The following MAN2A1 variants were observed in gnomAD, a reference collection of about 807,000 sequenced individuals.
MAN2A1 encodes the protein mannosidase alpha class 2A member 1.
MAN2A1 carries 76 observed loss-of-function variants against 142.6 expected under a neutral mutation model. The ratio of observed to expected loss-of-function variants is 0.53; its 90% CI spans 0.44 to 0.65. MAN2A1 has a LOEUF of 0.65. Ranked by LOEUF, MAN2A1 falls within the 30% of genes least tolerant of loss-of-function variation. MAN2A1 has a pLI of 0.00. For missense variants in MAN2A1, 1,311 were observed against 1,365.1 expected (o/e 0.96, Z 0.62); for synonymous variants, 559 against 473.2 (o/e 1.18, Z -2.35).
intron 1 of MAN2A1, among the ~76,000 whole-genome samples, chr5:109,702,674 C>A (rs1351386900): frequency 6.6e-6 from 1 of 152,070 alleles, no homozygotes; most frequent in Non-Finnish European, 1.5e-5. Context: ...GAAGATCCAA[C>A]CAATAATTGT....
At chr5:109,819,597 A>G in intron 13 of MAN2A1, 72 bp from the exon 14 acceptor site, 1 of 927,856 alleles carries the variant, frequency 1.1e-6, no homozygotes, top group Non-Finnish European at 1.5e-6. Context: ...TGGTTTTACC[A>G]AAAATATAAA....
intron 2 of MAN2A1, among the ~76,000 whole-genome samples, chr5:109,714,989 C>CA (rs60333109): frequency 0.47 from 55,225 of 118,028 alleles, 11,552 homozygotes; most frequent in African/African-American, 0.62. Flanking sequence ...AAGGGAACAG[C>CA]AAAAAAAAAA....
rs189187491 is a variant in MAN2A1 at position 109,802,014 on chromosome 5, T to C, written c.1943+12487T>C. ...TAAAATATAGTTCCTTATTCTTTGA[T>C]TCATACATTCATTCATTCAGTGACA... is the stretch of plus-strand genomic sequence containing the variant. On this transcript the variant is annotated intron_variant, in intron 12 of 21. Coordinates refer to ENST00000261483, the MANE Select transcript of MAN2A1 (RefSeq NM_002372.4). 2.0e-5 allele frequency among the ~76,000 whole-genome samples: 3 copies of C among 152,318 alleles called. No homozygotes were observed. The East Asian group carries it at 5.8e-4, about 29-fold the overall frequency.
intron 3 of MAN2A1, among the ~76,000 whole-genome samples, chr5:109,720,628 A>G (rs972736036): frequency 1.3e-5 from 2 of 152,170 alleles, no homozygotes; most frequent in Non-Finnish European, 2.9e-5. Context: ...TGGAAGAAAA[A>G]TTGTCTTGGG....
chr5:109,751,407 A>G (rs1031410935), intron 4 of MAN2A1, among the ~76,000 whole-genome samples: 21 of 152,158 alleles, frequency 1.4e-4, no homozygotes, highest in Admixed American at 8.5e-4. Context: ...ATCTAAATCA[A>G]CACTTAGGTT....
intron 16 of MAN2A1, among the ~76,000 whole-genome samples, chr5:109,837,775 C>T (rs1755095618): frequency 6.6e-6 from 1 of 152,106 alleles, no homozygotes; most frequent in Admixed American, 6.5e-5. Flanking sequence ...GGTCTCTAGC[C>T]TTAGGGAACT....
intron 1 of MAN2A1, among the ~76,000 whole-genome samples, chr5:109,693,270 T>A (rs540307658): frequency 6.6e-4 from 100 of 152,134 alleles, no homozygotes; most frequent in South Asian, 1.5e-3. Flanking sequence ...AGAACTTGAG[T>A]TGATTCTTTT....
At chr5:109,803,105 A>G (rs1262877623) in intron 12 of MAN2A1, among the ~76,000 whole-genome samples, 1 of 152,060 alleles carries the variant, frequency 6.6e-6, no homozygotes, top group African/African-American at 2.4e-5. Flanking sequence ...TCTTTTCTTC[A>G]ATTTCACATG....
In MAN2A1 at chr5:109,847,790, G is replaced by T; in HGVS notation, c.2976G>T (p.Thr992=). Residue 992 remains threonine (T), a splice_region_variant and synonymous_variant, in exon 19 of 22, where the codon ACG becomes ACT. Transcript: ENST00000261483. The part of the protein sequence containing the change: ...ILLEKRSAVN[T]EEEKKSVSYP... Reference sequence around the variant, plus strand: ...TAGAAAAAAGAAGTGCTGTTAATACGGTATGAAAAAATAACTAGCATGATC... The same window carrying T: ...TAGAAAAAAGAAGTGCTGTTAATACTGTATGAAAAAATAACTAGCATGATC... The T allele has an allele frequency of 6.5e-7, 1 of 1,529,582 alleles. No homozygotes were observed. Among genetic ancestry groups the T allele is most frequent in the South Asian group, 1.3e-5 (1 of 76,208 alleles). The allele number at this position is 1,529,582 out of a possible 1,614,324, so 94.8% of individuals were successfully genotyped here. A position where few individuals can be genotyped will look rare whatever the true frequency, so the allele number is the denominator to read the frequency against.
At chr5:109,815,089 T>A (rs565095745) in intron 12 of MAN2A1, among the ~76,000 whole-genome samples, 1 of 152,282 alleles carries the variant, frequency 6.6e-6, no homozygotes, top group African/African-American at 2.4e-5. Flanking sequence ...TTGAACATCT[T>A]TGGTACAGAG....
chr5:109,834,507 A>T (rs1325643620), intron 16 of MAN2A1, among the ~76,000 whole-genome samples: 1 of 152,098 alleles, frequency 6.6e-6, no homozygotes, highest in African/African-American at 2.4e-5. Flanking sequence ...AGTATATCAT[A>T]GTTTATTGGT....
At chr5:109,715,997 A>G in intron 2 of MAN2A1, 123 bp from the exon 3 acceptor site, 1 of 593,128 alleles carries the variant, frequency 1.7e-6, no homozygotes, top group Non-Finnish European at 2.7e-6. Context: ...CAATGTCTAC[A>G]GAAATAGTTT....
At chr5:109,783,748 G>GTTTTTTTTTTTTTTTTTTT (rs1339476303) in intron 9 of MAN2A1, among the ~76,000 whole-genome samples, 1 of 151,516 alleles carries the variant, frequency 6.6e-6, no homozygotes, top group African/African-American at 2.4e-5. Flanking sequence ...TTTTAAATAA[G>GTTTTTTTTTTTTTTTTTTT]TTTTTAAGAA....
In MAN2A1 at chr5:109,794,995, A is replaced by G. The variant is rs367916735; in HGVS notation, c.1943+5468A>G. Among the ~76,000 whole-genome samples, 14 of 152,230 alleles carry G rather than the reference A, an allele frequency of 9.2e-5. 1 individual carries two copies. Among genetic ancestry groups the G allele is most frequent in the Admixed American group, 2.6e-4 (4 of 15,280 alleles). Reference sequence around the variant, plus strand: ...AAGGATGCTTTATCCAAAAGACTGAATGGAATATGTTATATTATGTAAATA... The same window carrying G: ...AAGGATGCTTTATCCAAAAGACTGAGTGGAATATGTTATATTATGTAAATA... On this transcript the variant is annotated intron_variant, in intron 12 of 21. Transcript: ENST00000261483.
Position 109,867,152 on chromosome 5 carries a change from A to C in MAN2A1, c.*154A>C. On this transcript the variant is annotated 3_prime_UTR_variant, in exon 22 of 22. Transcript: ENST00000261483. ...TTTTTCTTTTTTCTTTTACCAGTACAGTAAGAAAAAAAAAAAAAAAAAAAA... is the reference window on the plus strand; with the variant it reads ...TTTTTCTTTTTTCTTTTACCAGTACCGTAAGAAAAAAAAAAAAAAAAAAAA... 7.8e-6 allele frequency: 2 copies of C among 255,082 alleles called. No homozygotes were observed. Among genetic ancestry groups the C allele is most frequent in the Non-Finnish European group, 7.2e-6 (1 of 139,452 alleles). 15.8% of individuals were successfully genotyped at this position (255,082 alleles called of 1,614,324 possible). A position where few individuals can be genotyped will look rare whatever the true frequency, so the allele number is the denominator to read the frequency against.
intron 16 of MAN2A1, among the ~76,000 whole-genome samples, chr5:109,832,161 C>CTTTTTTTTTTTTTTTTTTTTTTTT (rs70999945): frequency 2.0e-5 from 1 of 51,230 alleles, no homozygotes; most frequent in Non-Finnish European, 3.7e-5. Context: ...AAGGAGTTTT[C>CTTTTTTTTTTTTTTTTTTTTTTTT]TTTTTTTTTT....
chr5:109,780,352 C>T (rs1348960388), intron 8 of MAN2A1, among the ~76,000 whole-genome samples: 1 of 152,170 alleles, frequency 6.6e-6, no homozygotes, highest in East Asian at 1.9e-4. Context: ...AGCCACCACA[C>T]CCGGCCAGTT....
chr5:109,779,637 T>A (rs745985231), intron 8 of MAN2A1, among the ~76,000 whole-genome samples: 1 of 152,106 alleles, frequency 6.6e-6, no homozygotes, highest in African/African-American at 2.4e-5. Context: ...ACTCTTAGTG[T>A]TAGCTAAAAC....
chr5:109,756,564 A>G (rs1354591988), intron 5 of MAN2A1, among the ~76,000 whole-genome samples: 1 of 152,212 alleles, frequency 6.6e-6, no homozygotes, highest in Non-Finnish European at 1.5e-5. Flanking sequence ...ATATTCTCAT[A>G]AACCCTTCAC....
Sources: allele counts gnomAD v4.1 joint callset (sites outside exome capture counted in the v4.1 genomes callset), GRCh38; gene constraint gnomAD v4.1.1; transcripts MANE v1.5; gene names NCBI Gene and HGNC (gene_info 2026-07-23, HGNC 2026-07-21).